The following ZMYM4 variants were observed in gnomAD, a reference collection of about 807,000 sequenced individuals.
ZMYM4 encodes the protein zinc finger MYM-type containing 4.
Under a neutral mutation model 183.2 loss-of-function variants are expected in ZMYM4, and 31 were observed. The ratio of observed to expected loss-of-function variants is 0.17; its 90% confidence interval spans 0.13 to 0.23. The LOEUF (loss-of-function observed/expected upper bound fraction) is 0.23, where lower values mean the gene tolerates loss of function less well. Among genes scored for constraint, ZMYM4 ranks in the 10% least tolerant of loss-of-function variants. The pLI is 1.00. For missense variants in ZMYM4, 1,273 were observed against 1,840.3 expected, an observed-to-expected ratio of 0.69 and a Z score of 5.64; for synonymous variants, 592 against 631.2, an observed-to-expected ratio of 0.94 and a Z score of 0.93.
chr1:35,392,474 T>C, intron 16 of ZMYM4, 122 bp downstream of exon 16: 2 of 1,365,934 alleles, frequency 1.5e-6, no homozygotes, highest in Non-Finnish European at 2.0e-6. Flanking sequence ...GAATAGTGGC[T>C]TGCTGCACAA....
At chr1:35,332,403 G>GTTT (rs569755227) in intron 2 of ZMYM4, among the ~76,000 whole-genome samples, 1 of 126,132 alleles carries the variant, frequency 7.9e-6, no homozygotes. Flanking sequence ...TACTGGGGAT[G>GTTT]TTTTTTTTTT....
chr1:35,315,525 G>A (rs1407514207), intron 1 of ZMYM4, among the ~76,000 whole-genome samples: 1 of 152,078 alleles, frequency 6.6e-6, no homozygotes, highest in Admixed American at 6.6e-5. Context: ...CCTGTTTTTA[G>A]TTTATGTCAG....
chr1:35,279,804 A>G (rs1435025065), intron 1 of ZMYM4, among the ~76,000 whole-genome samples: 1 of 152,152 alleles, frequency 6.6e-6, no homozygotes, highest in Non-Finnish European at 1.5e-5. Context: ...TCCAGTTCCC[A>G]GTCACATATT....
chr1:35,384,865 G>A (rs553129887), intron 9 of ZMYM4, among the ~76,000 whole-genome samples: 4 of 131,542 alleles, frequency 3.0e-5, no homozygotes, highest in South Asian at 2.3e-4. Flanking sequence ...TTTTTGAGGT[G>A]GAATCTTCTC....
At chr1:35,379,561 T>C (rs1051155038) in intron 7 of ZMYM4, among the ~76,000 whole-genome samples, 3 of 152,256 alleles carry the variant, frequency 2.0e-5, no homozygotes, top group African/African-American at 7.2e-5. Flanking sequence ...TTATCATTCC[T>C]GTCTTCACTG....
chr1:35,403,699 TA>T (rs2149021575), intron 23 of ZMYM4, among the ~76,000 whole-genome samples: 1 of 151,686 alleles, frequency 6.6e-6, no homozygotes, highest in Admixed American at 6.6e-5. Context: ...CTTTTTCTTC[TA>T]TTTGTATAAT....
At chr1:35,308,675 A>G (rs1641659906) in intron 1 of ZMYM4, among the ~76,000 whole-genome samples, 1 of 152,198 alleles carries the variant, frequency 6.6e-6, no homozygotes, top group Non-Finnish European at 1.5e-5. Context: ...ATCCTGGGCA[A>G]CATGGCGAAA....
intron 9 of ZMYM4, 89 bp from the exon 10 acceptor site, chr1:35,385,352 AT>A: frequency 1.5e-6 from 2 of 1,334,966 alleles, no homozygotes; most frequent in South Asian, 2.8e-5. Context: ...GATTTCAAAT[AT>A]TTCAAAAGTG....
intron 26 of ZMYM4, among the ~76,000 whole-genome samples, chr1:35,412,168 C>T (rs368839993): frequency 1.6e-4 from 24 of 151,540 alleles, no homozygotes; most frequent in African/African-American, 5.6e-4. Context: ...CATGAGCCAC[C>T]GCACCTGGCG....
chr1:35,365,455 A>G (rs1180589094), intron 5 of ZMYM4, among the ~76,000 whole-genome samples: 2 of 152,052 alleles, frequency 1.3e-5, no homozygotes, highest in East Asian at 1.9e-4. Flanking sequence ...GTTCATAATA[A>G]TAGAGGACGA....
chr1:35,386,803 A>T (rs1644587683), intron 11 of ZMYM4, among the ~76,000 whole-genome samples, 200 bp from the exon 12 acceptor site: 1 of 152,270 alleles, frequency 6.6e-6, no homozygotes, highest in East Asian at 1.9e-4. Context: ...TTTGAGGAAG[A>T]TTATTAGTTA....
intron 2 of ZMYM4, chr1:35,351,435 T>C: frequency 6.3e-7 from 1 of 1,576,932 alleles, no homozygotes; most frequent in Non-Finnish European, 8.6e-7. Context: ...GGAGGAGATG[T>C]ATAAGAAAGC....
chr1:35,326,923 G>T (rs1222549018), intron 2 of ZMYM4, among the ~76,000 whole-genome samples: 1 of 152,136 alleles, frequency 6.6e-6, no homozygotes, highest in Non-Finnish European at 1.5e-5. Flanking sequence ...GAAGTGGCGT[G>T]ATCTAGGCTC....
intron 1 of ZMYM4, among the ~76,000 whole-genome samples, chr1:35,279,559 A>G (rs1184870151): frequency 1.3e-5 from 2 of 152,204 alleles, no homozygotes; most frequent in Admixed American, 6.5e-5. Context: ...TGTATTCTGA[A>G]TAATCTGAGA....
At chr1:35,330,245 G>T (rs756532234) in intron 2 of ZMYM4, among the ~76,000 whole-genome samples, 9 of 151,822 alleles carry the variant, frequency 5.9e-5, no homozygotes, top group Non-Finnish European at 1.2e-4. Flanking sequence ...AAGAAGGGAG[G>T]GAGGGAGGGA....
chr1:35,304,849 A>ATTT (rs386366696), intron 1 of ZMYM4, among the ~76,000 whole-genome samples: 1 of 149,322 alleles, frequency 6.7e-6, no homozygotes, highest in African/African-American at 2.5e-5. Context: ...AGTAAACTTT[A>ATTT]TTTTTTATTA....
chr1:35,339,223 A>G (rs1362506388), intron 2 of ZMYM4, among the ~76,000 whole-genome samples: 1 of 152,090 alleles, frequency 6.6e-6, no homozygotes, highest in East Asian at 1.9e-4. Flanking sequence ...CTATTTACAT[A>G]GCATTAACAT....
chr1:35,280,728 C>T (rs145544292), intron 1 of ZMYM4, among the ~76,000 whole-genome samples: 1 of 152,288 alleles, frequency 6.6e-6, no homozygotes, highest in African/African-American at 2.4e-5. Context: ...TCTGTCTTTA[C>T]ATGGCATTAT....
At chr1:35,330,059 A>G (rs1642671072) in intron 2 of ZMYM4, among the ~76,000 whole-genome samples, 1 of 152,064 alleles carries the variant, frequency 6.6e-6, no homozygotes, top group Non-Finnish European at 1.5e-5. Context: ...TGCAAAAAAT[A>G]CATAAAATAG....
Sources: gnomAD v4.1 joint callset for allele counts (sites outside exome capture counted in the v4.1 genomes callset) on GRCh38, gnomAD v4.1.1 for gene constraint, MANE v1.5 for transcripts, NCBI Gene and HGNC (gene_info 2026-07-23, HGNC 2026-07-21) for gene names.